The following FRY variants were observed in gnomAD, a reference collection of about 807,000 sequenced individuals.
FRY encodes the protein FRY microtubule binding protein.
A neutral mutation model predicts 348.4 loss-of-function variants in FRY; 128 were observed. The ratio of observed to expected loss-of-function variants is 0.37; its 90% CI spans 0.32 to 0.43. The LOEUF is 0.43. Ranked by LOEUF, FRY falls within the 20% of genes least tolerant of loss-of-function variation. FRY has a pLI of 1.00. For missense variants in FRY, 2,736 were observed against 3,695.2 expected, an observed-to-expected ratio of 0.74 and a Z score of 6.73; for synonymous variants, 1,370 against 1,374.7, an observed-to-expected ratio of 1.00 and a Z score of 0.08.
chr13:32,145,550 T>G (rs1365297826), intron 11 of FRY, among the ~76,000 whole-genome samples: 2 of 146,436 alleles, frequency 1.4e-5, no homozygotes, highest in African/African-American at 5.1e-5. Flanking sequence ...TTTTTTTTTT[T>G]TTTTTGAGAC....
intron 31 of FRY, among the ~76,000 whole-genome samples, chr13:32,203,722 C>CAA (rs3068544): frequency 0.41 from 60,916 of 149,922 alleles, 12,397 homozygotes; most frequent in Admixed American, 0.43. Context: ...GACTCTGTCT[C>CAA]AAAAAAAAAA....
At chr13:32,214,275 ACACTTAAC>A (rs1341469720) in intron 35 of FRY, among the ~76,000 whole-genome samples, 6 of 152,186 alleles carry the variant, frequency 3.9e-5, no homozygotes, top group Non-Finnish European at 8.8e-5. Flanking sequence ...GCTTACAGAC[ACACTTAAC>A]CACCAGATTT....
intron 54 of FRY, among the ~76,000 whole-genome samples, chr13:32,266,512 G>A (rs1160455459): frequency 2.0e-5 from 3 of 152,152 alleles, no homozygotes; most frequent in Non-Finnish European, 4.4e-5. Context: ...AATGAAAAAT[G>A]AAGAATGAAA....
chr13:32,171,090 T>A lies in FRY; in HGVS notation c.1971T>A (p.Asp657Glu). 6.2e-7 allele frequency: 1 copy of A among 1,612,680 alleles called. No homozygotes were observed. The highest frequency in any genetic ancestry group is 8.5e-7 in the Non-Finnish European group (1 of 1,178,702). Reference sequence around the variant, plus strand: ...AGGGTTTACTTGTTGACTTCTCAGATTGGAGGGAAGATGTACTATTTGGCT... The same window carrying A: ...AGGGTTTACTTGTTGACTTCTCAGAATGGAGGGAAGATGTACTATTTGGCT... The part of the protein sequence containing the change: ...SLQGLLVDFS[D>E]WREDVLFGFT... The change falls in exon 18 of 61, where the codon GAT becomes GAA. Residue 657 changes from aspartate to glutamate, a missense_variant. Around this residue, in one of 9 missense-constraint regions of FRY, gnomAD observed 449 missense variants for 576.9 expected, o/e 0.78. Coordinates refer to ENST00000542859, the MANE Select transcript of FRY (RefSeq NM_023037.3).
At chr13:32,287,299 T>C (rs1375000096) in intron 58 of FRY, among the ~76,000 whole-genome samples, 1 of 152,214 alleles carries the variant, frequency 6.6e-6, no homozygotes, top group Non-Finnish European at 1.5e-5. Context: ...TTAAAAATTA[T>C]AGCAGTCCTA....
At chr13:32,254,008 G>T in intron 50 of FRY, 1 of 589,048 alleles carries the variant, frequency 1.7e-6, no homozygotes, top group Non-Finnish European at 3.0e-6. Flanking sequence ...CGTGATTCTT[G>T]AACATTTTCC....
At chr13:32,037,861 A>C (rs1872598017) in intron 1 of FRY, among the ~76,000 whole-genome samples, 1 of 152,162 alleles carries the variant, frequency 6.6e-6, no homozygotes, top group South Asian at 2.1e-4. Flanking sequence ...CATATTTCTG[A>C]GTCTTATGTG....
At position 32,131,804 on chromosome 13, in the gene FRY, A is replaced by G; in HGVS notation, c.849A>G (p.Pro283=). Residue 283 remains proline, a synonymous_variant, in exon 8 of 61, where the codon CCA becomes CCG. Transcript: ENST00000542859. ...AATTCTTTCGAATTAAGATGTATCC[A>G]GTGGAGGATTTTGAGGCCTCTCTTC... ...GMKFFRIKMY[P]VEDFEASLQF... is the part of the protein sequence containing the mutation. 6.2e-7 allele frequency: 1 copy of G among 1,613,968 alleles called. No individual in the cohort carries two copies. The highest frequency in any genetic ancestry group is 8.5e-7 in the Non-Finnish European group (1 of 1,179,810).
chr13:32,105,030 A>G (rs923085832), intron 3 of FRY, among the ~76,000 whole-genome samples: 5 of 152,230 alleles, frequency 3.3e-5, no homozygotes, highest in African/African-American at 1.2e-4. Context: ...ATAAAGCCAT[A>G]GAGAAACTTG....
chr13:32,273,549 T>A (rs995066135), intron 55 of FRY, among the ~76,000 whole-genome samples: 1 of 152,094 alleles, frequency 6.6e-6, no homozygotes, highest in Non-Finnish European at 1.5e-5. Flanking sequence ...AGATTGTTCA[T>A]CCGGTGATGA....
chr13:32,194,994 A>G (rs1291057985), intron 29 of FRY, among the ~76,000 whole-genome samples: 3 of 152,172 alleles, frequency 2.0e-5, no homozygotes, highest in African/African-American at 7.2e-5. Flanking sequence ...CTTTTTAATT[A>G]AATGTTGCAC....
chr13:32,170,771 G>A (rs914878630), intron 17 of FRY, among the ~76,000 whole-genome samples: 22 of 152,074 alleles, frequency 1.4e-4, no homozygotes, highest in African/African-American at 4.1e-4. Context: ...TCCTGAACTC[G>A]GGCAATCCAC....
At chr13:32,220,554 G>T (rs1885261720) in intron 36 of FRY, among the ~76,000 whole-genome samples, 1 of 152,232 alleles carries the variant, frequency 6.6e-6, no homozygotes, top group Non-Finnish European at 1.5e-5. Flanking sequence ...TTTTAGAGAT[G>T]AGGAAAGTAG....
At chr13:32,130,607 A>G (rs573049986) in intron 7 of FRY, among the ~76,000 whole-genome samples, 33 of 152,058 alleles carry the variant, frequency 2.2e-4, no homozygotes, top group Non-Finnish European at 4.3e-4. Flanking sequence ...TCTTAGCTTT[A>G]AGATCTGTTC....
At position 32,179,692 on chromosome 13, in the gene FRY, G is replaced by C. The variant is rs768314531; in HGVS notation, c.2889G>C (p.Ser963=). 15 of 1,613,914 alleles carry C rather than the reference G, an allele frequency of 9.3e-6. 1 individual carries two copies. Among genetic ancestry groups the C allele is most frequent in the Middle Eastern group, 3.3e-4 (2 of 6,062 alleles). Residue 963 remains serine (S), a synonymous_variant, in exon 23 of 61, where the codon TCG becomes TCC. Coordinates refer to ENST00000542859, the MANE Select transcript of FRY (RefSeq NM_023037.3). ...TATTTCAGGCCATAGGCACCCCATC[G>C]GTGGGAGTTCTGTTAAAGCAGTTGG... ...SYDNKAIGTP[S]VGVLLKQLVP...
intron 59 of FRY, chr13:32,291,978 T>C (rs757404120): frequency 1.8e-5 from 8 of 452,436 alleles, no homozygotes; most frequent in South Asian, 1.1e-4. Flanking sequence ...TTTTTTGTTG[T>C]TGTTGTTTGT....
intron 53 of FRY, among the ~76,000 whole-genome samples, chr13:32,263,961 C>T (rs1055569982): frequency 6.6e-6 from 1 of 152,010 alleles, no homozygotes; most frequent in African/African-American, 2.4e-5. Flanking sequence ...TAGCTGAGAT[C>T]GCACCACTGC....
chr13:32,155,681 T>C lies in FRY; in HGVS notation c.1651+19T>C, dbSNP rs1328064940. On this transcript the variant is annotated intron_variant, in intron 15 of 60. Coordinates refer to ENST00000542859, the MANE Select transcript of FRY (RefSeq NM_023037.3). The stretch of plus-strand genomic sequence containing the variant: ...ATGATAGGTGAGTTTCAGAAGTGCA[T>C]AAGAACTAAGCCTTATTAAGCCCTT... The C allele has an allele frequency of 6.3e-7, 1 of 1,589,090 alleles. No individual in the cohort carries two copies. The highest frequency in any genetic ancestry group is 1.1e-5 in the South Asian group (1 of 90,168).
At chr13:32,249,220 A>T (rs1349341287) in intron 48 of FRY, among the ~76,000 whole-genome samples, 1 of 152,234 alleles carries the variant, frequency 6.6e-6, no homozygotes, top group Non-Finnish European at 1.5e-5. Flanking sequence ...TTTCAAGTTT[A>T]AACAATCAAA....
Sources: allele counts gnomAD v4.1 joint callset (sites outside exome capture counted in the v4.1 genomes callset), GRCh38; gene constraint gnomAD v4.1.1; regional missense constraint gnomAD v4.1.1; transcripts MANE v1.5; gene names NCBI Gene and HGNC (gene_info 2026-07-23, HGNC 2026-07-21).